Variants in TAFA1 observed in about 807,000 individuals in gnomAD.
The protein encoded by TAFA1 is chemokine-like protein TAFA-1.
A neutral mutation model predicts 18.5 loss-of-function variants in TAFA1; 4 were observed. The ratio of observed to expected loss-of-function variants is 0.22; its 90% confidence interval spans 0.11 to 0.49. The LOEUF (loss-of-function observed/expected upper bound fraction) is 0.49, where lower values mean the gene tolerates loss of function less well. Among genes scored for constraint, TAFA1 ranks in the 20% least tolerant of loss-of-function variants. TAFA1 has a pLI of 0.98. For missense variants in TAFA1, 147 were observed against 169.0 expected, an observed-to-expected ratio of 0.87 and a Z score of 0.72; for synonymous variants, 56 against 55.2, an observed-to-expected ratio of 1.01 and a Z score of -0.06.
intron 4 of TAFA1, among the ~76,000 whole-genome samples, chr3:68,544,172 A>G (rs1376366551): frequency 6.6e-6 from 1 of 152,070 alleles, no homozygotes; most frequent in Non-Finnish European, 1.5e-5. Flanking sequence ...TCTTTCCAGG[A>G]TAGGGCCTTG....
At chr3:68,301,407 C>A (rs1255720645) in intron 2 of TAFA1, among the ~76,000 whole-genome samples, 1 of 152,122 alleles carries the variant, frequency 6.6e-6, no homozygotes, top group Non-Finnish European at 1.5e-5. Context: ...ATAAACCCTG[C>A]ACCTTTAACT....
chr3:68,071,011 C>T (rs1559725547), intron 2 of TAFA1, among the ~76,000 whole-genome samples: 1 of 152,218 alleles, frequency 6.6e-6, no homozygotes, highest in South Asian at 2.1e-4. Flanking sequence ...CTGAACTGTT[C>T]CAACCTCTGT....
chr3:68,475,295 G>T (rs552740842), intron 3 of TAFA1, among the ~76,000 whole-genome samples: 2 of 151,864 alleles, frequency 1.3e-5, no homozygotes, highest in Non-Finnish European at 2.9e-5. Flanking sequence ...ATCTCCTAAT[G>T]CTATCCCTCC....
At chr3:68,100,802 C>T (rs1182225276) in intron 2 of TAFA1, among the ~76,000 whole-genome samples, 1 of 152,064 alleles carries the variant, frequency 6.6e-6, no homozygotes, top group African/African-American at 2.4e-5. Context: ...CTTAAGAATC[C>T]TCCAGCCTAG....
intron 2 of TAFA1, among the ~76,000 whole-genome samples, chr3:68,318,338 T>C (rs1212686980): frequency 3.9e-5 from 6 of 152,166 alleles, no homozygotes; most frequent in Non-Finnish European, 7.3e-5. Context: ...ATGGAAAATA[T>C]TTGAATATCC....
At position 68,259,975 on chromosome 3, in the gene TAFA1, T is replaced by A. The variant is rs1336481000; in HGVS notation, c.119-157305T>A. 3.3e-5 allele frequency among the ~76,000 whole-genome samples: 5 copies of A among 152,162 alleles called. No individual in the cohort carries two copies. The East Asian group carries it at 9.6e-4, about 29-fold the overall frequency. ...CCTGGCCAGAACTTCCAACACTATG[T>A]TGAATAGGAGTGGTGAGAGAGGGCA... On this transcript the variant is annotated intron_variant, in intron 2 of 4. Transcript: ENST00000478136.
chr3:68,115,128 C>A (rs1339660875), intron 2 of TAFA1, among the ~76,000 whole-genome samples: 1 of 152,180 alleles, frequency 6.6e-6, no homozygotes, highest in South Asian at 2.1e-4. Flanking sequence ...TGGGAAGGGA[C>A]AGCCAGGAGC....
chr3:68,405,875 T>C lies in TAFA1; in HGVS notation c.119-11405T>C, dbSNP rs1340273891. On this transcript the variant is annotated intron_variant, in intron 2 of 4. Coordinates refer to ENST00000478136, the MANE Select transcript of TAFA1 (RefSeq NM_213609.4). ...ACTCCATTTTCCAGCATTTCAGAAT[T>C]CTACCCTTTCATCCTCCTCCAGTGT... 5.9e-5 allele frequency among the ~76,000 whole-genome samples: 9 copies of C among 152,006 alleles called. 1 individual carries two copies. Among genetic ancestry groups the C allele is most frequent in the Admixed American group, 5.3e-4 (8 of 15,238 alleles).
At chr3:68,373,464 C>T (rs1248283923) in intron 2 of TAFA1, among the ~76,000 whole-genome samples, 2 of 152,122 alleles carry the variant, frequency 1.3e-5, no homozygotes, top group Non-Finnish European at 2.9e-5. Context: ...TTAGCTTCAT[C>T]CATATCAACT....
intron 2 of TAFA1, among the ~76,000 whole-genome samples, chr3:68,103,167 G>A (rs989492281): frequency 4.6e-5 from 7 of 152,208 alleles, no homozygotes; most frequent in Non-Finnish European, 8.8e-5. Flanking sequence ...TGAGGATGAG[G>A]GGAAGTGGGT....
chr3:68,018,349 T>G (rs956990302), intron 2 of TAFA1, among the ~76,000 whole-genome samples: 4 of 152,178 alleles, frequency 2.6e-5, no homozygotes, highest in African/African-American at 9.7e-5. Context: ...GTTATCTTTG[T>G]GCAATGAAAG....
At chr3:68,052,611 T>G (rs2064484666) in intron 2 of TAFA1, among the ~76,000 whole-genome samples, 1 of 152,202 alleles carries the variant, frequency 6.6e-6, no homozygotes, top group Middle Eastern at 3.2e-3. Context: ...TCCCCTGGCT[T>G]TACATCCTAT....
At chr3:68,011,790 T>C (rs1408715827) in intron 2 of TAFA1, among the ~76,000 whole-genome samples, 1 of 152,228 alleles carries the variant, frequency 6.6e-6, no homozygotes, top group African/African-American at 2.4e-5. Context: ...ATCGATCATC[T>C]GATTGATCCT....
At chr3:68,244,938 A>C (rs2067047278) in intron 2 of TAFA1, among the ~76,000 whole-genome samples, 1 of 152,230 alleles carries the variant, frequency 6.6e-6, no homozygotes, top group Non-Finnish European at 1.5e-5. Context: ...AGTAGAATCC[A>C]TGTCTGTCTA....
chr3:68,493,413 C>T (rs571786293), intron 3 of TAFA1, among the ~76,000 whole-genome samples: 22 of 152,272 alleles, frequency 1.4e-4, no homozygotes, highest in African/African-American at 5.3e-4. Flanking sequence ...GTTGCTACTA[C>T]CTTGTGGCTA....
chr3:68,537,066 T>C (rs2073288660), intron 3 of TAFA1, among the ~76,000 whole-genome samples: 1 of 152,166 alleles, frequency 6.6e-6, no homozygotes, highest in Admixed American at 6.6e-5. Context: ...TAAATTTGCC[T>C]TTCTGAGAAG....
intron 3 of TAFA1, among the ~76,000 whole-genome samples, chr3:68,439,507 C>T (rs572762446): frequency 4.8e-5 from 7 of 146,470 alleles, no homozygotes; most frequent in South Asian, 4.3e-4. Context: ...ATCTGCAGGC[C>T]GAGGAGCTAG....
intron 2 of TAFA1, among the ~76,000 whole-genome samples, chr3:68,254,453 A>C (rs1010744541): frequency 6.6e-6 from 1 of 152,046 alleles, no homozygotes. Context: ...ACTTTTTTAA[A>C]CCTGGAAGAA....
intron 2 of TAFA1, among the ~76,000 whole-genome samples, chr3:68,401,847 G>A (rs2070500317): frequency 6.6e-6 from 1 of 152,152 alleles, no homozygotes; most frequent in African/African-American, 2.4e-5. Flanking sequence ...GAGGCCACTG[G>A]CTTCCCTAGA....
Sources: allele counts gnomAD v4.1 joint callset (sites outside exome capture counted in the v4.1 genomes callset), GRCh38; gene constraint gnomAD v4.1.1; transcripts MANE v1.5; gene names NCBI Gene and HGNC (gene_info 2026-07-23, HGNC 2026-07-21).